RPS6KC1: variants seen among roughly 807,000 people sequenced by gnomAD.
The protein encoded by RPS6KC1 is ribosomal protein S6 kinase C1.
In RPS6KC1, 54 loss-of-function variants were observed where a neutral mutation model predicts 103.8. That is an observed-to-expected ratio of 0.52 (90% CI 0.42 to 0.65). The LOEUF is 0.65. Among genes scored for constraint, RPS6KC1 ranks in the 30% least tolerant of loss-of-function variants. RPS6KC1 has a pLI of 0.00. For synonymous variants in RPS6KC1, 439 were observed against 438.7 expected, an observed-to-expected ratio of 1.00 and a Z score of -0.01; for missense variants, 1,151 against 1,253.8, an observed-to-expected ratio of 0.92 and a Z score of 1.24.
the RPS6KC1 span, among the ~76,000 whole-genome samples, chr1:213,829,259 C>T: frequency 2.5e-5 from 2 of 80,988 alleles, no homozygotes; most frequent in Non-Finnish European, 2.2e-5. Context: ...CAAGAGACCT[C>T]GTTTGTTTCA....
the RPS6KC1 span, among the ~76,000 whole-genome samples, chr1:213,645,341 G>A: frequency 6.6e-6 from 1 of 152,084 alleles, no homozygotes; most frequent in Non-Finnish European, 1.5e-5. Flanking sequence ...AGGTGACAAG[G>A]TAAACAAAAG....
At chr1:213,163,419 G>A (rs74139104) in intron 6 of RPS6KC1, among the ~76,000 whole-genome samples, 2,212 of 152,274 alleles carry the variant, frequency 0.015, 48 homozygotes, top group African/African-American at 0.05. Context: ...CTGTGCATGT[G>A]GCAGAAATCA....
intron 3 of RPS6KC1, among the ~76,000 whole-genome samples, chr1:213,091,426 G>A (rs1434098866): frequency 6.6e-6 from 1 of 152,126 alleles, no homozygotes; most frequent in African/African-American, 2.4e-5. Flanking sequence ...AAAACTTGAT[G>A]TGTGGTAATT....
At chr1:213,428,458 CTTCTT>C in the RPS6KC1 span, among the ~76,000 whole-genome samples, 1 of 79,796 alleles carries the variant, frequency 1.3e-5, no homozygotes, top group African/African-American at 5.4e-5. Context: ...CCCTCCCTTC[CTTCTT>C]TCCTCCCTCC....
At chr1:213,449,160 G>A in the RPS6KC1 span, among the ~76,000 whole-genome samples, 3 of 152,174 alleles carry the variant, frequency 2.0e-5, no homozygotes, top group Non-Finnish European at 2.9e-5. Flanking sequence ...CCTCTGCTGT[G>A]CCGTGGTGGA....
the RPS6KC1 span, among the ~76,000 whole-genome samples, chr1:213,746,723 G>A: frequency 6.6e-6 from 1 of 152,186 alleles, no homozygotes; most frequent in Admixed American, 6.5e-5. Context: ...CAGGGCAGCA[G>A]AGTGGAGGCG....
the RPS6KC1 span, among the ~76,000 whole-genome samples, chr1:213,464,482 T>C: frequency 6.6e-6 from 1 of 152,208 alleles, no homozygotes; most frequent in Non-Finnish European, 1.5e-5. Context: ...ATCCTTTTCT[T>C]GATCAGACTC....
At chr1:213,855,869 T>C in the RPS6KC1 span, among the ~76,000 whole-genome samples, 1 of 152,362 alleles carries the variant, frequency 6.6e-6, no homozygotes, top group South Asian at 2.1e-4. Flanking sequence ...AGTGTGATTT[T>C]CCACATCCAT....
the RPS6KC1 span, among the ~76,000 whole-genome samples, chr1:213,535,327 T>C: frequency 6.6e-6 from 1 of 152,190 alleles, no homozygotes; most frequent in South Asian, 2.1e-4. Flanking sequence ...GATGCAGCAA[T>C]ACGTTTGGTG....
the RPS6KC1 span, among the ~76,000 whole-genome samples, chr1:213,287,722 A>G: frequency 1.3e-5 from 2 of 152,202 alleles, no homozygotes; most frequent in Non-Finnish European, 2.9e-5. Flanking sequence ...TCCCTGAGGT[A>G]GAATTAAGTA....
At chr1:213,834,721 C>T in the RPS6KC1 span, among the ~76,000 whole-genome samples, 1 of 152,108 alleles carries the variant, frequency 6.6e-6, no homozygotes, top group Non-Finnish European at 1.5e-5. Context: ...CACACACACA[C>T]ACACACACCC....
the RPS6KC1 span, among the ~76,000 whole-genome samples, chr1:213,691,972 G>A: frequency 5.3e-5 from 8 of 152,308 alleles, no homozygotes; most frequent in Non-Finnish European, 1.2e-4. Context: ...AGGCCCTAGC[G>A]CTAGCGGTGG....
At chr1:213,602,038 T>TTC in the RPS6KC1 span, among the ~76,000 whole-genome samples, 160 of 26,488 alleles carry the variant, frequency 6.0e-3, 22 homozygotes, top group Middle Eastern at 0.042. Flanking sequence ...CTCTTTCTCT[T>TTC]TCTTTCTTTC....
the RPS6KC1 span, among the ~76,000 whole-genome samples, chr1:213,720,454 C>G: frequency 2.6e-5 from 4 of 152,198 alleles, no homozygotes; most frequent in African/African-American, 7.2e-5. Context: ...GGAAGCAACT[C>G]AAATACATTC....
At chr1:213,097,679 G>A (rs2081592466) in intron 3 of RPS6KC1, among the ~76,000 whole-genome samples, 1 of 152,242 alleles carries the variant, frequency 6.6e-6, no homozygotes, top group Admixed American at 6.5e-5. Flanking sequence ...AAAGAAGGCT[G>A]TTTTATCTCC....
At chr1:213,093,122 C>T (rs1020737738) in intron 3 of RPS6KC1, among the ~76,000 whole-genome samples, 5 of 151,712 alleles carry the variant, frequency 3.3e-5, no homozygotes, top group Non-Finnish European at 5.9e-5. Flanking sequence ...TAAATGGTAC[C>T]GTTCATTTGT....
chr1:213,580,762 A>ATT, the RPS6KC1 span, among the ~76,000 whole-genome samples: 11 of 150,552 alleles, frequency 7.3e-5, no homozygotes, highest in Admixed American at 2.0e-4. Context: ...GATTGTTAGC[A>ATT]TTTTTTTTTG....
the RPS6KC1 span, among the ~76,000 whole-genome samples, chr1:213,406,382 C>G: frequency 6.6e-6 from 1 of 151,760 alleles, no homozygotes; most frequent in Non-Finnish European, 1.5e-5. Flanking sequence ...TTAGATTTTC[C>G]TTTCCTTTCT....
chr1:213,126,861 C>T (rs1047351633), intron 5 of RPS6KC1, among the ~76,000 whole-genome samples: 7 of 152,160 alleles, frequency 4.6e-5, no homozygotes, highest in Non-Finnish European at 1.0e-4. Flanking sequence ...CACATATGGC[C>T]TGCAAAGCCT....
Sources: gnomAD v4.1 joint callset for allele counts (sites outside exome capture counted in the v4.1 genomes callset) on GRCh38, gnomAD v4.1.1 for gene constraint, MANE v1.5 for transcripts, NCBI Gene and HGNC (gene_info 2026-07-23, HGNC 2026-07-21) for gene names.